TPPP: variants seen among roughly 807,000 people sequenced by gnomAD.
TPPP encodes tubulin polymerization-promoting protein.
TPPP carries 6 observed loss-of-function variants against 15.5 expected under a neutral mutation model. That is an observed-to-expected ratio of 0.39 (90% CI 0.21 to 0.77). TPPP has a LOEUF of 0.77. TPPP is among the 30% of genes least tolerant of loss of function. The pLI is 0.42. For synonymous variants in TPPP, 146 were observed against 133.9 expected (o/e 1.09, Z -0.63); for missense variants, 269 against 307.2 (o/e 0.88, Z 0.93).
chr5:693,356 G>C (rs1740946135), upstream of TPPP: 1 of 149,322 alleles, frequency 6.7e-6, no homozygotes, highest in South Asian at 1.8e-4. Flanking sequence ...GAGCTCTCCA[G>C]CCGCCGCCCC....
upstream of TPPP, among the ~76,000 whole-genome samples, chr5:696,377 C>T (rs1359980104): frequency 7.1e-6 from 1 of 141,024 alleles, no homozygotes; most frequent in Non-Finnish European, 1.6e-5. Flanking sequence ...TGCCGGGTCC[C>T]AGCACTGAGG....
Position 665,036 on chromosome 5 carries a change from G to T in TPPP, c.*66C>A. The T allele has an allele frequency of 6.5e-7, 1 of 1,537,776 alleles. No homozygotes were observed. On this transcript the variant is annotated 3_prime_UTR_variant, in exon 4 of 4. Coordinates refer to ENST00000360578, the MANE Select transcript of TPPP (RefSeq NM_007030.3). ...GCCCCAGTTAGTACAGGAATGTAAT[G>T]AAGTGCGAGGTGACAGAGTCCCTGC...
chr5:696,509 G>A (rs192043114), upstream of TPPP, among the ~76,000 whole-genome samples: 1,581 of 145,580 alleles, frequency 0.011, 56 homozygotes, highest in South Asian at 0.027. Context: ...CAGGTGAGCA[G>A]TCAGGGCCCC....
chr5:684,243 G>A (rs558334530), intron 1 of TPPP, among the ~76,000 whole-genome samples: 1 of 152,366 alleles, frequency 6.6e-6, no homozygotes, highest in Admixed American at 6.5e-5. Context: ...TGAGGGAGCG[G>A]AGGGGATCGG....
intron 1 of TPPP, among the ~76,000 whole-genome samples, chr5:686,739 G>A (rs1740777342): frequency 1.4e-5 from 2 of 147,402 alleles, no homozygotes; most frequent in Admixed American, 1.4e-4. Flanking sequence ...AGAGAGAAGA[G>A]AAGAAGGTGC....
chr5:700,639 T>C, the TPPP span, among the ~76,000 whole-genome samples: 2 of 152,028 alleles, frequency 1.3e-5, no homozygotes, highest in East Asian at 3.9e-4. Context: ...TAAGATTTTA[T>C]CTTACCTGCA....
At chr5:677,687 G>A in intron 2 of TPPP, 63 bp downstream of exon 2, 1 of 1,466,744 alleles carries the variant, frequency 6.8e-7, no homozygotes, top group Non-Finnish European at 9.1e-7. Context: ...AACCCACCCA[G>A]GGGCTCAGGG....
intron 2 of TPPP, among the ~76,000 whole-genome samples, chr5:673,376 G>A (rs1347002375): frequency 6.6e-6 from 1 of 152,168 alleles, no homozygotes; most frequent in Non-Finnish European, 1.5e-5. Context: ...CAGGAGGGAA[G>A]GACAGTTTGA....
chr5:680,319 C>A (rs1282642835), intron 1 of TPPP, among the ~76,000 whole-genome samples: 3 of 95,808 alleles, frequency 3.1e-5, no homozygotes, highest in African/African-American at 6.7e-5. Flanking sequence ...ACACTGCCTT[C>A]AAACGTTCTG....
rs113665893 is a variant in TPPP at position 667,077 on chromosome 5, A to C, written c.312-954T>G. 3.4e-4 allele frequency: 52 copies of C among 151,322 alleles called. 3 individuals are homozygous for C. The highest frequency in any genetic ancestry group is 1.2e-3 in the African/African-American group (48 of 40,592). 9.4% of individuals were successfully genotyped at this position (151,322 alleles called of 1,614,324 possible). A position where few individuals can be genotyped will look rare whatever the true frequency, so the allele number is the denominator to read the frequency against. Reference sequence around the variant, plus strand: ...AGTCAGGGGACAAATGACCCATAAAACCCCAGCAAGCCTTTCCAGAAGTCA... The same window carrying C: ...AGTCAGGGGACAAATGACCCATAAACCCCCAGCAAGCCTTTCCAGAAGTCA... On this transcript the variant is annotated intron_variant, in intron 2 of 3. Transcript: ENST00000360578.
chr5:660,814 C>G lies in TPPP; in HGVS notation c.*4288G>C, dbSNP rs748869959. On this transcript the variant is annotated 3_prime_UTR_variant, in exon 4 of 4. Transcript: ENST00000360578. ...GGGGGCTGGGGTAGGAGGTGATGCC[C>G]ACGCAGGGCTGCTGTGGTCAGCCCT... 1.3e-5 allele frequency: 2 copies of G among 152,296 alleles called. No homozygotes were observed. Among genetic ancestry groups the G allele is most frequent in the Non-Finnish European group, 2.9e-5 (2 of 68,076 alleles). 9.4% of individuals were successfully genotyped at this position (152,296 alleles called of 1,614,324 possible). A position where few individuals can be genotyped will look rare whatever the true frequency, so the allele number is the denominator to read the frequency against.
At chr5:685,831 C>A (rs918099665) in intron 1 of TPPP, among the ~76,000 whole-genome samples, 8 of 152,184 alleles carry the variant, frequency 5.3e-5, no homozygotes, top group African/African-American at 1.9e-4. Flanking sequence ...CCCTCCCAGG[C>A]CACACGGCAG....
At chr5:679,399 G>C (rs1378915082) in intron 1 of TPPP, among the ~76,000 whole-genome samples, 2 of 114,856 alleles carry the variant, frequency 1.7e-5, no homozygotes, top group Non-Finnish European at 3.7e-5. Flanking sequence ...GGCCGCGTGG[G>C]GGCAGGATCC....
At chr5:666,705 A>T (rs1739931542) in intron 2 of TPPP, among the ~76,000 whole-genome samples, 1 of 152,222 alleles carries the variant, frequency 6.6e-6, no homozygotes, top group Non-Finnish European at 1.5e-5. Context: ...AGGTGCCATG[A>T]GAAGCTTCTG....
chr5:673,324 C>T (rs113698562), intron 2 of TPPP, among the ~76,000 whole-genome samples: 5 of 152,252 alleles, frequency 3.3e-5, no homozygotes, highest in African/African-American at 4.8e-5. Context: ...GTCAGGACCC[C>T]GTGCCAGGAT....
chr5:667,099 G>A (rs935333225), intron 2 of TPPP: 4 of 152,224 alleles, frequency 2.6e-5, no homozygotes, highest in Non-Finnish European at 4.4e-5. Context: ...CTTTCCAGAA[G>A]TCAGTGAGCA....
chr5:693,610 C>G (rs568100147), upstream of TPPP, among the ~76,000 whole-genome samples: 3 of 151,736 alleles, frequency 2.0e-5, no homozygotes, highest in South Asian at 6.2e-4. Context: ...GCGGCCGACC[C>G]GCGGGTCGTG....
intron 1 of TPPP, among the ~76,000 whole-genome samples, chr5:684,488 C>T (rs535450619): frequency 2.6e-5 from 4 of 152,234 alleles, no homozygotes; most frequent in East Asian, 1.9e-4. Flanking sequence ...AAGACCACAG[C>T]GACCCGAAGC....
chr5:683,479 C>A (rs983649859), intron 1 of TPPP, among the ~76,000 whole-genome samples: 2 of 152,208 alleles, frequency 1.3e-5, no homozygotes, highest in African/African-American at 4.8e-5. Context: ...CTGGAGAACT[C>A]CCTGTTCAGG....
Sources: gnomAD v4.1 joint callset for allele counts (sites outside exome capture counted in the v4.1 genomes callset) on GRCh38, gnomAD v4.1.1 for gene constraint, MANE v1.5 for transcripts, NCBI Gene and HGNC (gene_info 2026-07-23, HGNC 2026-07-21) for gene names.